MGAT4C: variants seen among roughly 807,000 people sequenced by gnomAD.
MGAT4C encodes MGAT4 family member C.
In MGAT4C, 19 loss-of-function variants were observed where a neutral mutation model predicts 40.1. The observed-to-expected ratio is 0.47, with a 90% CI of 0.33 to 0.70. MGAT4C has a LOEUF of 0.70. Among genes scored for constraint, MGAT4C ranks in the 30% least tolerant of loss-of-function variants. The pLI is 0.02. For synonymous variants in MGAT4C, 181 were observed against 187.1 expected, an observed-to-expected ratio of 0.97 and a Z score of 0.27; for missense variants, 491 against 563.2, an observed-to-expected ratio of 0.87 and a Z score of 1.30.
intron 2 of MGAT4C, among the ~76,000 whole-genome samples, chr12:86,548,810 T>C (rs1029184758): frequency 1.3e-5 from 2 of 152,202 alleles, no homozygotes; most frequent in South Asian, 4.1e-4. Context: ...GATAACTCAC[T>C]GTATGTGAAG....
chr12:86,550,555 C>T (rs80004655), intron 2 of MGAT4C, among the ~76,000 whole-genome samples: 1 of 152,338 alleles, frequency 6.6e-6, no homozygotes, highest in Non-Finnish European at 1.5e-5. Context: ...CCAGTAGGCA[C>T]TGCACCTCTC....
intron 1 of MGAT4C, among the ~76,000 whole-genome samples, chr12:86,067,811 G>A (rs1033148477): frequency 2.6e-5 from 4 of 152,068 alleles, no homozygotes; most frequent in Non-Finnish European, 2.9e-5. Context: ...TCAACATAAG[G>A]CATGTAGTAG....
At chr12:86,647,915 A>G (rs867641382) in intron 2 of MGAT4C, among the ~76,000 whole-genome samples, 3 of 151,964 alleles carry the variant, frequency 2.0e-5, no homozygotes, top group South Asian at 4.1e-4. Flanking sequence ...GTTTCTTTTA[A>G]CGTTTGTTTG....
At chr12:86,569,613 A>G (rs745319655) in intron 2 of MGAT4C, among the ~76,000 whole-genome samples, 7 of 152,076 alleles carry the variant, frequency 4.6e-5, no homozygotes, top group Non-Finnish European at 7.4e-5. Flanking sequence ...CACAGCCATT[A>G]CGGAAAAACA....
At chr12:86,766,404 C>T (rs1951509049) in intron 1 of MGAT4C, among the ~76,000 whole-genome samples, 2 of 152,226 alleles carry the variant, frequency 1.3e-5, no homozygotes, top group African/African-American at 4.8e-5. Context: ...CTTAGACTCC[C>T]ATACATTAAT....
intron 3 of MGAT4C, among the ~76,000 whole-genome samples, chr12:86,355,033 C>G (rs1050779370): frequency 3.9e-5 from 6 of 152,152 alleles, no homozygotes; most frequent in African/African-American, 1.4e-4. Flanking sequence ...GTCCATCTTA[C>G]AGAGTGCTGA....
chr12:85,988,443 A>C (rs1431515632), intron 3 of MGAT4C, among the ~76,000 whole-genome samples: 1 of 152,140 alleles, frequency 6.6e-6, no homozygotes, highest in Non-Finnish European at 1.5e-5. Context: ...TCTCTTGTTA[A>C]GACACTAATT....
At chr12:86,559,151 A>G (rs1409797052) in intron 2 of MGAT4C, among the ~76,000 whole-genome samples, 1 of 151,950 alleles carries the variant, frequency 6.6e-6, no homozygotes, top group Non-Finnish European at 1.5e-5. Flanking sequence ...ATAATACTGG[A>G]GCACCCAGAT....
chr12:86,346,492 T>C (rs1281592294), intron 3 of MGAT4C, among the ~76,000 whole-genome samples: 2 of 152,224 alleles, frequency 1.3e-5, no homozygotes, highest in Non-Finnish European at 2.9e-5. Flanking sequence ...CCCAAAGTGC[T>C]GGGATTACAG....
At chr12:86,392,953 G>C (rs1956184388) in intron 3 of MGAT4C, among the ~76,000 whole-genome samples, 1 of 152,106 alleles carries the variant, frequency 6.6e-6, no homozygotes, top group South Asian at 2.1e-4. Context: ...TTATTGTGAA[G>C]TATTTTAACC....
intron 4 of MGAT4C, among the ~76,000 whole-genome samples, chr12:86,307,795 C>T (rs1361656056): frequency 6.7e-6 from 1 of 149,990 alleles, no homozygotes; most frequent in African/African-American, 2.5e-5. Flanking sequence ...CTCCACCTCC[C>T]GGGTTCACGC....
At chr12:86,177,424 CA>C (rs1220937908) in intron 1 of MGAT4C, among the ~76,000 whole-genome samples, 1 of 151,854 alleles carries the variant, frequency 6.6e-6, no homozygotes, top group African/African-American at 2.4e-5. Flanking sequence ...TGTACATAAA[CA>C]AAAAATTTTG....
intron 2 of MGAT4C, among the ~76,000 whole-genome samples, chr12:86,640,035 A>T (rs1470721640): frequency 6.6e-6 from 1 of 151,644 alleles, no homozygotes; most frequent in African/African-American, 2.4e-5. Context: ...ACTAACCCAT[A>T]CTTATTTATG....
chr12:85,997,620 G>T (rs1207079740), intron 2 of MGAT4C, among the ~76,000 whole-genome samples: 1 of 152,166 alleles, frequency 6.6e-6, no homozygotes, highest in Non-Finnish European at 1.5e-5. Context: ...AAGGGGTACA[G>T]GCCCCATGCA....
intron 2 of MGAT4C, among the ~76,000 whole-genome samples, chr12:86,621,397 A>G (rs1003908037): frequency 1.3e-5 from 2 of 152,184 alleles, no homozygotes; most frequent in Non-Finnish European, 2.9e-5. Flanking sequence ...GATGAACTCT[A>G]TGAGTGACCA....
intron 4 of MGAT4C, among the ~76,000 whole-genome samples, chr12:86,322,582 A>ATTTTT (rs957633480): frequency 6.6e-6 from 1 of 151,614 alleles, no homozygotes; most frequent in African/African-American, 2.4e-5. Flanking sequence ...AGGTTTCTTA[A>ATTTTT]TTTTTTTTAT....
intron 4 of MGAT4C, among the ~76,000 whole-genome samples, chr12:86,327,551 TGTA>T (rs759601742): frequency 2.0e-5 from 3 of 152,062 alleles, no homozygotes; most frequent in Non-Finnish European, 4.4e-5. Flanking sequence ...TCACATCTAC[TGTA>T]GTGGAATTGA....
intron 1 of MGAT4C, among the ~76,000 whole-genome samples, chr12:86,188,089 T>C (rs923000508): frequency 6.6e-6 from 1 of 152,056 alleles, no homozygotes; most frequent in Non-Finnish European, 1.5e-5. Flanking sequence ...ATTGACTTTC[T>C]CTTTTCTGCT....
intron 3 of MGAT4C, among the ~76,000 whole-genome samples, chr12:86,349,419 G>A (rs921305355): frequency 8.5e-5 from 13 of 152,098 alleles, no homozygotes; most frequent in Middle Eastern, 3.2e-3. Flanking sequence ...CTATGATCCT[G>A]CATTGTTTAC....
Sources: gnomAD v4.1 joint callset for allele counts (sites outside exome capture counted in the v4.1 genomes callset) on GRCh38, gnomAD v4.1.1 for gene constraint, MANE v1.5 for transcripts, NCBI Gene and HGNC (gene_info 2026-07-23, HGNC 2026-07-21) for gene names.